PCDHGA1: variants seen among roughly 807,000 people sequenced by gnomAD.
PCDHGA1 encodes the protein protocadherin gamma-A1.
Under a neutral mutation model 58.0 loss-of-function variants are expected in PCDHGA1, and 32 were observed. The observed-to-expected ratio is 0.55, with a 90% CI of 0.42 to 0.74. The LOEUF (loss-of-function observed/expected upper bound fraction) is 0.74. Ranked by LOEUF, PCDHGA1 falls within the 30% of genes least tolerant of loss-of-function variation. The pLI, the probability that PCDHGA1 is intolerant of heterozygous loss-of-function variation, is 0.00. For synonymous variants in PCDHGA1, 498 were observed against 501.1 expected, an observed-to-expected ratio of 0.99 and a Z score of 0.08; for missense variants, 1,205 against 1,182.3, an observed-to-expected ratio of 1.02 and a Z score of -0.28.
chr5:141,470,622 A>G (rs1323376824), intron 1 of PCDHGA1, among the ~76,000 whole-genome samples: 6 of 152,336 alleles, frequency 3.9e-5, no homozygotes, highest in Admixed American at 6.5e-5. Flanking sequence ...CTTCATGCTT[A>G]GATAGGCCCC....
rs1400778058 is a variant in PCDHGA1 at position 141,366,688 on chromosome 5, G to A, written c.2421+33583G>A. The A allele has an allele frequency of 6.2e-6, 10 of 1,614,136 alleles. No individual in the cohort carries two copies. The Admixed American group carries it at 1.2e-4, about 19-fold the overall frequency. The stretch of plus-strand genomic sequence containing the variant: ...CGCTCCTTAGTGAAGAGAGCTGTGA[G>A]AAAAGCGAGCCTCTTCTGATGTCTG... On this transcript the variant is annotated intron_variant, in intron 1 of 3. Coordinates refer to ENST00000517417, the MANE Select transcript of PCDHGA1 (RefSeq NM_018912.3).
intron 1 of PCDHGA1, chr5:141,357,204 C>T (rs1216545771): frequency 1.2e-6 from 2 of 1,613,716 alleles, no homozygotes; most frequent in African/African-American, 1.3e-5. Flanking sequence ...CCGACAGCAT[C>T]CCAGATGTCC....
At chr5:141,370,904 C>T in intron 1 of PCDHGA1, 4 of 1,614,034 alleles carry the variant, frequency 2.5e-6, no homozygotes, top group Non-Finnish European at 3.4e-6. Context: ...TGCAGCAGTA[C>T]TACCTCAGCC....
chr5:141,384,673 G>A (rs1029531424), intron 1 of PCDHGA1: 2 of 1,614,108 alleles, frequency 1.2e-6, no homozygotes, highest in South Asian at 1.1e-5. Context: ...GACCAAGGTG[G>A]TGGCGGTGGA....
intron 1 of PCDHGA1, among the ~76,000 whole-genome samples, chr5:141,460,117 T>G (rs1454761302): frequency 6.6e-6 from 1 of 151,982 alleles, no homozygotes; most frequent in Non-Finnish European, 1.5e-5. Context: ...ATGATTTTTA[T>G]ATATGTAATA....
intron 1 of PCDHGA1, chr5:141,419,533 C>A: frequency 6.2e-7 from 1 of 1,612,106 alleles, no homozygotes; most frequent in Non-Finnish European, 8.5e-7. Flanking sequence ...GTAACGACAA[C>A]GCACCGCGGG....
intron 1 of PCDHGA1, chr5:141,340,859 C>T (rs746905563): frequency 8.1e-6 from 13 of 1,613,464 alleles, no homozygotes; most frequent in Middle Eastern, 1.7e-4. Flanking sequence ...GCGCACGGCG[C>T]GAGCCCTGCT....
chr5:141,384,940 T>A lies in PCDHGA1; in HGVS notation c.2421+51835T>A, dbSNP rs781038163. The A allele has an allele frequency of 1.2e-6, 2 of 1,613,942 alleles. No individual in the cohort carries two copies. The highest frequency in any genetic ancestry group is 1.7e-6 in the Non-Finnish European group (2 of 1,179,994). ...GGCCGACCTGGGCAGCCTTGAGCCCTCCGACGGTCCTTACAACTATGACCT... is the reference window on the plus strand; with the variant it reads ...GGCCGACCTGGGCAGCCTTGAGCCCACCGACGGTCCTTACAACTATGACCT... On this transcript the variant is annotated intron_variant, in intron 1 of 3. Coordinates refer to ENST00000517417, the MANE Select transcript of PCDHGA1 (RefSeq NM_018912.3).
intron 1 of PCDHGA1, chr5:141,374,236 T>G: frequency 6.2e-7 from 1 of 1,613,974 alleles, no homozygotes; most frequent in African/African-American, 1.3e-5. Flanking sequence ...TCGTCAAGGA[T>G]CTGGGACTGG....
Position 141,345,366 on chromosome 5 carries a change from A to G in PCDHGA1, c.2421+12261A>G, listed in dbSNP as rs771633069. The G allele has an allele frequency of 4.3e-6, 7 of 1,614,130 alleles. No individual in the cohort carries two copies. The East Asian group carries it at 1.6e-4, about 36-fold the overall frequency. On this transcript the variant is annotated intron_variant, in intron 1 of 3. Transcript: ENST00000517417. ...TCACATCACCCTGCATGTGATTGAC[A>G]TCAATGACAACCCACCCACCTTCCC...
At chr5:141,412,057 T>C (rs1426056647) in intron 1 of PCDHGA1, 1 of 152,202 alleles carries the variant, frequency 6.6e-6, no homozygotes, top group Non-Finnish European at 1.5e-5. Flanking sequence ...TCTATACCCT[T>C]TGCATTTGAG....
chr5:141,484,653 C>G (rs2099598614), intron 1 of PCDHGA1, among the ~76,000 whole-genome samples: 1 of 152,036 alleles, frequency 6.6e-6, no homozygotes, highest in Non-Finnish European at 1.5e-5. Flanking sequence ...AATGGCTACT[C>G]TCCCTCTCAG....
chr5:141,422,360 G>C (rs766368774), intron 1 of PCDHGA1: 1 of 1,559,254 alleles, frequency 6.4e-7, no homozygotes, highest in African/African-American at 1.4e-5. Context: ...CAAGATTCTG[G>C]AGAAAATGGT....
In PCDHGA1 at chr5:141,331,334, G is replaced by T. The variant is rs770785776; in HGVS notation, c.650G>T (p.Gly217Val). 1 of 1,614,096 alleles carries T rather than the reference G, an allele frequency of 6.2e-7. No individual in the cohort carries two copies. The highest frequency in any genetic ancestry group is 8.5e-7 in the Non-Finnish European group (1 of 1,180,028). ...CACCTCATCCTCACAGCTTCTGATGGGGGTGAACCAGTCCGTTCAGGGACC... is the reference window on the plus strand; with the variant it reads ...CACCTCATCCTCACAGCTTCTGATGTGGGTGAACCAGTCCGTTCAGGGACC... ...VHHLILTASDGGEPVRSGTLR... is the reference protein window; with the variant it reads ...VHHLILTASDVGEPVRSGTLR... Residue 217 changes from glycine (G) to valine (V), a missense_variant, in exon 1 of 4, where the codon GGG (glycine) becomes GTG (valine). Transcript: ENST00000517417.
Position 141,474,743 on chromosome 5 carries a change from T to A in PCDHGA1, c.2422-20064T>A, listed in dbSNP as rs113053006. Among the ~76,000 whole-genome samples the A allele has an allele frequency of 4.0e-3, 610 of 152,354 alleles. 8 individuals carry two copies. The highest frequency in any genetic ancestry group is 0.014 in the African/African-American group (593 of 41,580). On this transcript the variant is annotated intron_variant, in intron 1 of 3. Transcript: ENST00000517417. ...AGGACTCTATGCAATCAAAGTGATG[T>A]CCAAGACAAATATACAGAAATAGTA...
At chr5:141,423,362 T>G (rs1419859253) in intron 1 of PCDHGA1, 1 of 1,614,112 alleles carries the variant, frequency 6.2e-7, no homozygotes, top group African/African-American at 1.3e-5. Flanking sequence ...GTCATCGTGC[T>G]GCTGGCACTC....
At chr5:141,383,189 C>A (rs1588938013) in intron 1 of PCDHGA1, 1 of 1,614,068 alleles carries the variant, frequency 6.2e-7, no homozygotes, top group Non-Finnish European at 8.5e-7. Context: ...GAGATCTGCG[C>A]TCAGAGTGCG....
intron 1 of PCDHGA1, chr5:141,364,604 C>A (rs370007558): frequency 1.9e-6 from 3 of 1,614,162 alleles, no homozygotes; most frequent in Non-Finnish European, 2.5e-6. Context: ...CAGGATAGAC[C>A]GGGAGGAGCT....
Position 141,477,447 on chromosome 5 carries a change from G to C in PCDHGA1, c.2422-17360G>C, listed in dbSNP as rs779097830. On this transcript the variant is annotated intron_variant, in intron 1 of 3. Coordinates refer to ENST00000517417, the MANE Select transcript of PCDHGA1 (RefSeq NM_018912.3). The surrounding 1 kb of genome is among the most constrained non-coding windows in gnomAD (Gnocchi z 4.9). ...TCCCTCTCAGCCCTTACAATAGTGCGTGTTCAAGTGTCCGACATCAATGAC... is the reference window on the plus strand; with the variant it reads ...TCCCTCTCAGCCCTTACAATAGTGCCTGTTCAAGTGTCCGACATCAATGAC... The C allele has an allele frequency of 1.6e-5, 26 of 1,614,098 alleles. No individual in the cohort carries two copies. Among genetic ancestry groups the C allele is most frequent in the Non-Finnish European group, 2.2e-5 (26 of 1,180,016 alleles).
Sources: gnomAD v4.1 joint callset for allele counts (sites outside exome capture counted in the v4.1 genomes callset) on GRCh38, gnomAD v4.1.1 for gene constraint, Gnocchi (gnomAD v3.1) non-coding constraint, MANE v1.5 for transcripts, NCBI Gene and HGNC (gene_info 2026-07-23, HGNC 2026-07-21) for gene names.